Variants in FRMD1 observed in about 807,000 individuals in gnomAD.
FRMD1 encodes the protein FERM domain containing 1, also known as FERM domain-containing protein 1.
FRMD1 carries 51 observed loss-of-function variants against 54.9 expected under a neutral mutation model. The ratio of observed to expected loss-of-function variants is 0.93; its 90% CI spans 0.74 to 1.17. The LOEUF (loss-of-function observed/expected upper bound fraction) is 1.17, where lower values mean the gene tolerates loss of function less well. Ranked by LOEUF, FRMD1 falls within the 50% of genes most tolerant of loss-of-function variation. The pLI is 0.00. For missense variants in FRMD1, 729 were observed against 743.0 expected, an observed-to-expected ratio of 0.98 and a Z score of 0.22; for synonymous variants, 324 against 306.4, an observed-to-expected ratio of 1.06 and a Z score of -0.60.
chr6:168,061,694 A>C, intron 8 of FRMD1, 113 bp downstream of exon 8: 3 of 1,125,012 alleles, frequency 2.7e-6, no homozygotes, highest in Non-Finnish European at 3.7e-6. Context: ...GGGAGTCAGG[A>C]GGCCACAACA....
chr6:168,065,720 C>T, intron 4 of FRMD1: 1 of 987,616 alleles, frequency 1.0e-6, no homozygotes. Context: ...GGGCTCTCCA[C>T]ACAACCACAC....
upstream of FRMD1, among the ~76,000 whole-genome samples, chr6:168,082,765 C>A (rs1337381323): frequency 6.6e-6 from 1 of 152,226 alleles, no homozygotes; most frequent in African/African-American, 2.4e-5. Context: ...AAAGCCTCGT[C>A]TTCTGGGATG....
chr6:168,067,248 A>C, intron 3 of FRMD1, 119 bp downstream of exon 3: 7 of 635,414 alleles, frequency 1.1e-5, no homozygotes, highest in Non-Finnish European at 8.4e-6. Context: ...CAACCCACGC[A>C]TCCCCGCGGT....
In FRMD1 at chr6:168,055,295, G is replaced by C. The variant is rs532999202; in HGVS notation, c.*1802C>G. Reference sequence around the variant, plus strand: ...GACTGGCAGGGGAAGCCTGGACATGGGGAGTGTGCATGTATGGATGTGTGC... The same window carrying C: ...GACTGGCAGGGGAAGCCTGGACATGCGGAGTGTGCATGTATGGATGTGTGC... On this transcript the variant is annotated 3_prime_UTR_variant, in exon 11 of 11. Transcript: ENST00000283309. 5.2e-5 allele frequency: 8 copies of C among 153,082 alleles called. No individual in the cohort carries two copies. The highest frequency in any genetic ancestry group is 1.2e-4 in the Non-Finnish European group (8 of 68,632). The allele number at this position is 153,082 out of a possible 1,614,324, so 9.5% of individuals were successfully genotyped here. A position where few individuals can be genotyped will look rare whatever the true frequency, so the allele number is the denominator to read the frequency against.
chr6:168,084,332 C>T (rs1431507581), upstream of FRMD1, among the ~76,000 whole-genome samples: 3 of 152,230 alleles, frequency 2.0e-5, no homozygotes, highest in Admixed American at 1.3e-4. Context: ...TAGCACTGCG[C>T]GTGTCGGATT....
intron 10 of FRMD1, among the ~76,000 whole-genome samples, chr6:168,058,882 C>G (rs983105206): frequency 6.6e-6 from 1 of 152,158 alleles, no homozygotes. Context: ...CCAGGCAGGA[C>G]CCCTCCCTCC....
At chr6:168,067,806 G>A (rs946959416) in intron 2 of FRMD1, among the ~76,000 whole-genome samples, 18 of 152,274 alleles carry the variant, frequency 1.2e-4, no homozygotes, top group African/African-American at 3.1e-4. Flanking sequence ...GGAATGAGTC[G>A]TTTAAAAAAT....
At chr6:168,070,841 GGCA>G (rs1800272014) in intron 2 of FRMD1, among the ~76,000 whole-genome samples, 1 of 152,178 alleles carries the variant, frequency 6.6e-6, no homozygotes, top group Non-Finnish European at 1.5e-5. Flanking sequence ...CTGGAGGACC[GGCA>G]TCTTGCTGCT....
intron 1 of FRMD1, among the ~76,000 whole-genome samples, chr6:168,077,504 G>A (rs1800652405): frequency 6.7e-6 from 1 of 148,714 alleles, no homozygotes; most frequent in Non-Finnish European, 1.5e-5. Flanking sequence ...AGACATAGAT[G>A]ACTGCACAAC....
At chr6:168,060,082 C>T (rs1298793845) in intron 9 of FRMD1, among the ~76,000 whole-genome samples, 8 of 60,106 alleles carry the variant, frequency 1.3e-4, no homozygotes, top group Admixed American at 2.6e-4. Flanking sequence ...TAGGAGTCCA[C>T]GGGGCTTCTT....
At chr6:168,085,045 A>C (rs1800895711), upstream of FRMD1, among the ~76,000 whole-genome samples, 1 of 152,204 alleles carries the variant, frequency 6.6e-6, no homozygotes, top group African/African-American at 2.4e-5. Context: ...ACATTCCCAC[A>C]AAGGGCTGGC....
chr6:168,090,615 T>C (rs995486473), intron 1 of FRMD1, among the ~76,000 whole-genome samples: 5 of 152,244 alleles, frequency 3.3e-5, no homozygotes, highest in African/African-American at 1.2e-4. Context: ...ACTTGACCCC[T>C]GCCTGTTTGC....
chr6:168,089,440 GA>G (rs1800977589), intron 1 of FRMD1, among the ~76,000 whole-genome samples: 1 of 152,246 alleles, frequency 6.6e-6, no homozygotes, highest in Non-Finnish European at 1.5e-5. Flanking sequence ...CCAGCCTTGA[GA>G]AGGCGCCTGG....
upstream of FRMD1, among the ~76,000 whole-genome samples, chr6:168,083,641 G>A (rs776812051): frequency 2.6e-5 from 4 of 152,234 alleles, no homozygotes; most frequent in African/African-American, 4.8e-5. Flanking sequence ...AGACTTGAAA[G>A]GCCCCTCTGC....
At chr6:168,078,786 GGCCACCCAGGGCCCTGCTCACCC>G in intron 1 of FRMD1, 73 bp downstream of exon 1, 1 of 80,232 alleles carries the variant, frequency 1.2e-5, no homozygotes, top group Non-Finnish European at 1.9e-5. Flanking sequence ...TCACCCCCAC[GGCCACCCAGGGCCCTGCTCACCC>G]CCACGGCCAC....
At chr6:168,075,655 C>T in intron 1 of FRMD1, 1 of 1,096,830 alleles carries the variant, frequency 9.1e-7, no homozygotes, top group Non-Finnish European at 1.4e-6. Flanking sequence ...GCAGCGTCAA[C>T]TCCAGGGCCG....
chr6:168,057,392 C>A, intron 10 of FRMD1, 53 bp from the exon 11 acceptor site: 1 of 1,584,030 alleles, frequency 6.3e-7, no homozygotes, highest in Non-Finnish European at 8.5e-7. Flanking sequence ...ACTCCCACCA[C>A]CGCACACGGC....
chr6:168,066,562 G>A (rs1800035858), intron 4 of FRMD1, 193 bp downstream of exon 4: 1 of 1,390,284 alleles, frequency 7.2e-7, no homozygotes, highest in Non-Finnish European at 9.3e-7. Context: ...TTATGACACA[G>A]TCTGTATACC....
At chr6:168,077,741 C>T (rs532162517) in intron 1 of FRMD1, among the ~76,000 whole-genome samples, 73 of 152,308 alleles carry the variant, frequency 4.8e-4, no homozygotes, top group African/African-American at 1.6e-3. Flanking sequence ...CGTGAAGTTC[C>T]GTGCAAGAAA....
Sources: allele counts gnomAD v4.1 joint callset (sites outside exome capture counted in the v4.1 genomes callset), GRCh38; gene constraint gnomAD v4.1.1; transcripts MANE v1.5; gene names NCBI Gene and HGNC (gene_info 2026-07-23, HGNC 2026-07-21).